The following MYO5C variants were observed in gnomAD, a reference collection of about 807,000 sequenced individuals.
The protein encoded by MYO5C is myosin VC.
Under a neutral mutation model 235.7 loss-of-function variants are expected in MYO5C, and 194 were observed. The observed-to-expected ratio is 0.82, with a 90% CI of 0.73 to 0.93. The LOEUF is 0.93. MYO5C is among the 40% of genes least tolerant of loss of function. MYO5C has a pLI of 0.00. For missense variants in MYO5C, 2,038 were observed against 2,127.2 expected (o/e 0.96, Z 0.82); for synonymous variants, 707 against 754.8 (o/e 0.94, Z 1.04).
At chr15:52,270,682 GTATACACATGTATGTGTATATA>G (rs565640908) in intron 7 of MYO5C, among the ~76,000 whole-genome samples, 1,863 of 150,930 alleles carry the variant, frequency 0.012, 19 homozygotes, top group Non-Finnish European at 0.022. Context: ...ATGTATGTAT[GTATACACATGTATGTGTATATA>G]TATACACATA....
At chr15:52,213,800 A>G (rs4238388) in intron 33 of MYO5C, among the ~76,000 whole-genome samples, 147,381 of 152,312 alleles carry the variant, frequency 0.97, 71,509 homozygotes, top group East Asian at 1. Flanking sequence ...GTGGTGAATG[A>G]TGGTTCATTC....
rs1414572121 is a variant in MYO5C, at chr15:52,279,087, A to G, written c.305-70T>C. On this transcript the variant is annotated intron_variant, in intron 3 of 40. Transcript: ENST00000261839. ...CTGCATCTCCAGTTTTTTTTTTTTTAAGAAACCCCAGCTCTGTCGCTTATT... is the reference window on the plus strand; with the variant it reads ...CTGCATCTCCAGTTTTTTTTTTTTTGAGAAACCCCAGCTCTGTCGCTTATT... The G allele has an allele frequency of 7.3e-6, 9 of 1,236,970 alleles. No homozygotes were observed. The East Asian group carries it at 1.7e-4, about 23-fold the overall frequency. The allele number at this position is 1,236,970 out of a possible 1,614,324, so 76.6% of individuals were successfully genotyped here.
chr15:52,194,765 A>G lies in MYO5C; in HGVS notation c.5076+612T>C, dbSNP rs193287534. Among the ~76,000 whole-genome samples the G allele has an allele frequency of 4.0e-5, 6 of 151,558 alleles. No individual in the cohort carries two copies. The East Asian group carries it at 1.2e-3, about 29-fold the overall frequency. ...TAATATATATGCTATATTATCATAT[A>G]TACGATATATCATATATATCTGCTT... On this transcript the variant is annotated intron_variant, in intron 40 of 40. Coordinates refer to ENST00000261839, the MANE Select transcript of MYO5C (RefSeq NM_018728.4).
chr15:52,286,507 A>G (rs1434373324), intron 1 of MYO5C, among the ~76,000 whole-genome samples: 6 of 152,292 alleles, frequency 3.9e-5, no homozygotes, highest in Admixed American at 6.5e-5. Context: ...AAGGGGGGAA[A>G]GGTGGGGAAA....
At chr15:52,274,650 G>A (rs1043384804) in intron 5 of MYO5C, among the ~76,000 whole-genome samples, 3 of 149,634 alleles carry the variant, frequency 2.0e-5, no homozygotes, top group Non-Finnish European at 4.4e-5. Context: ...TGAATTATGA[G>A]CTTTGCAGTG....
chr15:52,215,932 C>T (rs1157298709), intron 32 of MYO5C, among the ~76,000 whole-genome samples: 1 of 152,138 alleles, frequency 6.6e-6, no homozygotes, highest in Non-Finnish European at 1.5e-5. Flanking sequence ...GTATGCATTT[C>T]TCTCCTTTGG....
Position 52,282,776 on chromosome 15 carries a change from C to A in MYO5C, c.138+6G>T, listed in dbSNP as rs944364717. 6.3e-7 allele frequency: 1 copy of A among 1,587,664 alleles called. No individual in the cohort carries two copies. The highest frequency in any genetic ancestry group is 1.3e-5 in the African/African-American group (1 of 74,346). ...CGACGTAGCTGTGAACAGCAAGGACCCTCACCGTTCCATCCTCCAGCAGGA... is the reference window on the plus strand; with the variant it reads ...CGACGTAGCTGTGAACAGCAAGGACACTCACCGTTCCATCCTCCAGCAGGA... On this transcript the variant is annotated splice_donor_region_variant and intron_variant, in intron 2 of 40. Coordinates refer to ENST00000261839, the MANE Select transcript of MYO5C (RefSeq NM_018728.4).
intron 3 of MYO5C, among the ~76,000 whole-genome samples, chr15:52,279,228 G>C (rs767242529): frequency 6.6e-6 from 1 of 152,090 alleles, no homozygotes; most frequent in African/African-American, 2.4e-5. Context: ...GGAAATGCTC[G>C]CAAATGGAGA....
intron 30 of MYO5C, 151 bp from the exon 31 acceptor site, chr15:52,219,973 T>C: frequency 1.6e-6 from 1 of 615,306 alleles, no homozygotes; most frequent in Admixed American, 2.9e-5. Context: ...AGAATTGTCT[T>C]GGGCCACATA....
intron 33 of MYO5C, among the ~76,000 whole-genome samples, 162 bp downstream of exon 33, chr15:52,214,441 G>C (rs905572178): frequency 6.6e-6 from 1 of 152,176 alleles, no homozygotes; most frequent in Non-Finnish European, 1.5e-5. Context: ...CTGTCTTCCT[G>C]ACCCAAAGGA....
At position 52,275,548 on chromosome 15, in the gene MYO5C, G is replaced by T; in HGVS notation, c.606+14C>A. ...CATCACCAACACCCAGCTGCCTTCC[G>T]CAGTGGTACGCACCTCGGTGATGGG... On this transcript the variant is annotated intron_variant, in intron 5 of 40. Transcript: ENST00000261839. The T allele has an allele frequency of 6.2e-7, 1 of 1,613,854 alleles. No individual in the cohort carries two copies. The highest frequency in any genetic ancestry group is 8.5e-7 in the Non-Finnish European group (1 of 1,179,816).
intron 8 of MYO5C, 40 bp from the exon 9 acceptor site, chr15:52,264,336 C>T (rs2036757656): frequency 6.8e-7 from 1 of 1,463,202 alleles, no homozygotes; most frequent in East Asian, 2.3e-5. Context: ...TACTGCATCT[C>T]TTCTCTGACT....
At chr15:52,194,091 C>CT (rs1270801878) in intron 40 of MYO5C, 37 bp from the exon 41 acceptor site, 6 of 1,598,368 alleles carry the variant, frequency 3.8e-6, no homozygotes, top group Non-Finnish European at 5.1e-6. Context: ...AGTAAGGAAA[C>CT]TAACATGTTC....
At chr15:52,252,706 C>T (rs2036498412) in intron 12 of MYO5C, among the ~76,000 whole-genome samples, 1 of 151,188 alleles carries the variant, frequency 6.6e-6, no homozygotes, top group Non-Finnish European at 1.5e-5. Context: ...ACTCAGGAAG[C>T]GGAGGTTGCA....
chr15:52,237,923 C>A (rs554882871), intron 21 of MYO5C, among the ~76,000 whole-genome samples: 1 of 151,618 alleles, frequency 6.6e-6, no homozygotes, highest in Admixed American at 6.6e-5. Flanking sequence ...AACTGTGCCC[C>A]CCGCCAAAAT....
Position 52,208,551 on chromosome 15 carries a change from T to A in MYO5C, c.4386+3A>T. 1 of 1,613,656 alleles carries A rather than the reference T, an allele frequency of 6.2e-7. No individual in the cohort carries two copies. The highest frequency in any genetic ancestry group is 8.5e-7 in the Non-Finnish European group (1 of 1,179,658). On this transcript the variant is annotated splice_donor_region_variant and intron_variant, in intron 36 of 40. Coordinates refer to ENST00000261839, the MANE Select transcript of MYO5C (RefSeq NM_018728.4). ...AAACAACAAGCAGGTGGGCGCCCCC[T>A]ACCTCTTCTCCGCTGTACTGCTTCA...
intron 1 of MYO5C, among the ~76,000 whole-genome samples, chr15:52,286,073 T>C (rs1461957075): frequency 6.6e-6 from 1 of 151,428 alleles, no homozygotes. Flanking sequence ...GGAGCGTCTC[T>C]GCCCGGCCGC....
At chr15:52,201,842 A>C (rs2035194270) in intron 38 of MYO5C, among the ~76,000 whole-genome samples, 1 of 151,978 alleles carries the variant, frequency 6.6e-6, no homozygotes, top group Admixed American at 6.5e-5. Context: ...TTGATTCTAA[A>C]TAGACTGTGA....
At position 52,246,840 on chromosome 15, in the gene MYO5C, T is replaced by C. The variant is rs975596227; in HGVS notation, c.1979+77A>G. The C allele has an allele frequency of 3.4e-6, 4 of 1,189,596 alleles. No homozygotes were observed. The African/African-American group carries it at 4.6e-5, about 14-fold the overall frequency. 73.7% of individuals were successfully genotyped at this position (1,189,596 alleles called of 1,614,324 possible). A position where few individuals can be genotyped will look rare whatever the true frequency, so the allele number is the denominator to read the frequency against. On this transcript the variant is annotated intron_variant, in intron 16 of 40. Transcript: ENST00000261839. Reference sequence around the variant, plus strand: ...CAGAAACAGGGTAATCTCAAGACAATTGGAAGCAAATTCTCCAACTTTATG... The same window carrying C: ...CAGAAACAGGGTAATCTCAAGACAACTGGAAGCAAATTCTCCAACTTTATG...
Sources: allele counts gnomAD v4.1 joint callset (sites outside exome capture counted in the v4.1 genomes callset), GRCh38; gene constraint gnomAD v4.1.1; transcripts MANE v1.5; gene names NCBI Gene and HGNC (gene_info 2026-07-23, HGNC 2026-07-21).